CFAP299: variants seen among roughly 807,000 people sequenced by gnomAD.
CFAP299 encodes the protein cilia and flagella associated protein 299.
In CFAP299, 21 loss-of-function variants were observed where a neutral mutation model predicts 27.0. That is an observed-to-expected ratio of 0.78 (90% CI 0.55 to 1.12). CFAP299 has a LOEUF of 1.12. Ranked by LOEUF, CFAP299 falls within the 50% of genes most tolerant of loss-of-function variation. The pLI is 0.00. For synonymous variants in CFAP299, 104 were observed against 98.1 expected, an observed-to-expected ratio of 1.06 and a Z score of -0.36; for missense variants, 310 against 276.6, an observed-to-expected ratio of 1.12 and a Z score of -0.86.
intron 3 of CFAP299, among the ~76,000 whole-genome samples, chr4:80,741,470 C>T (rs1724268236): frequency 1.3e-5 from 2 of 152,206 alleles, no homozygotes; most frequent in South Asian, 2.1e-4. Flanking sequence ...AGTGTGTCTT[C>T]GAATGCCATC....
chr4:80,695,660 T>C (rs1320586271), intron 3 of CFAP299, among the ~76,000 whole-genome samples: 4 of 148,134 alleles, frequency 2.7e-5, no homozygotes, highest in Non-Finnish European at 4.4e-5. Flanking sequence ...TCTTATGATC[T>C]TATCCTTATC....
In CFAP299 at chr4:80,362,930, C is replaced by A. The variant is rs1329738244; in HGVS notation, c.242+46C>A. 1.9e-6 allele frequency: 3 copies of A among 1,544,942 alleles called. No individual in the cohort carries two copies. In the South Asian group the frequency reaches 3.8e-5, roughly 20 times the overall value. ...TCCAGATTTTATGTTATATTCTAGACCTCTGGAGTAATTCAATTTCGTTTG... is the reference window on the plus strand; with the variant it reads ...TCCAGATTTTATGTTATATTCTAGAACTCTGGAGTAATTCAATTTCGTTTG... On this transcript the variant is annotated intron_variant, in intron 2 of 5. Coordinates refer to ENST00000358105, the MANE Select transcript of CFAP299 (RefSeq NM_152770.3).
intron 3 of CFAP299, among the ~76,000 whole-genome samples, chr4:80,629,825 A>G (rs2109944286): frequency 6.6e-6 from 1 of 150,992 alleles, no homozygotes; most frequent in African/African-American, 2.4e-5. Context: ...GGTTGCAGTG[A>G]GTCATGATTA....
chr4:80,343,176 C>A (rs1212728511), intron 1 of CFAP299, among the ~76,000 whole-genome samples: 1 of 152,156 alleles, frequency 6.6e-6, no homozygotes, highest in Non-Finnish European at 1.5e-5. Context: ...ATTCATAAAG[C>A]AAGTTCTTAG....
At chr4:80,364,066 A>C (rs887303050) in intron 2 of CFAP299, among the ~76,000 whole-genome samples, 1 of 131,228 alleles carries the variant, frequency 7.6e-6, no homozygotes, top group African/African-American at 2.8e-5. Context: ...CAGCCTGGGC[A>C]ACAGAGCGAG....
chr4:80,944,087 T>C (rs2110230356), intron 4 of CFAP299, among the ~76,000 whole-genome samples: 1 of 150,772 alleles, frequency 6.6e-6, no homozygotes, highest in East Asian at 2.0e-4. Context: ...AATAAATAAA[T>C]AAATAAATAA....
intron 2 of CFAP299, among the ~76,000 whole-genome samples, chr4:80,467,645 ATAAAT>A (rs1295118628): frequency 1.3e-5 from 2 of 152,236 alleles, no homozygotes; most frequent in African/African-American, 4.8e-5. Context: ...AATATGTAAT[ATAAAT>A]TAAATAATGT....
intron 2 of CFAP299, among the ~76,000 whole-genome samples, chr4:80,536,110 A>T (rs990485943): frequency 2.6e-5 from 4 of 152,198 alleles, no homozygotes; most frequent in African/African-American, 9.7e-5. Context: ...AGGCTTAAGA[A>T]AATAGGAGAA....
At chr4:80,478,766 T>C (rs1730409122) in intron 2 of CFAP299, among the ~76,000 whole-genome samples, 1 of 151,860 alleles carries the variant, frequency 6.6e-6, no homozygotes, top group African/African-American at 2.4e-5. Context: ...GTGAAAGACA[T>C]TGTTATAGTG....
Position 80,670,037 on chromosome 4 carries a change from G to A in CFAP299, c.333+86854G>A, listed in dbSNP as rs558670654. Among the ~76,000 whole-genome samples the A allele has an allele frequency of 4.0e-5, 6 of 151,614 alleles. No individual in the cohort carries two copies. In the South Asian group the frequency reaches 1.2e-3, roughly 31 times the overall value. ...AAGTTCTAGGGTACTTGTGCACAAC[G>A]TGCAGGCTTGTTACATAGGTATACA... On this transcript the variant is annotated intron_variant, in intron 3 of 5. Transcript: ENST00000358105.
chr4:80,381,366 C>A, intron 2 of CFAP299, among the ~76,000 whole-genome samples: 1 of 147,886 alleles, frequency 6.8e-6, no homozygotes, highest in Non-Finnish European at 1.5e-5. Flanking sequence ...TTTATAATTA[C>A]TCTTAACATA....
chr4:80,343,036 A>C (rs948895151), intron 1 of CFAP299, among the ~76,000 whole-genome samples: 2 of 152,224 alleles, frequency 1.3e-5, no homozygotes, highest in Non-Finnish European at 2.9e-5. Context: ...CTAGTTTCTG[A>C]CAAAGCAGAC....
intron 2 of CFAP299, among the ~76,000 whole-genome samples, chr4:80,508,257 G>C (rs1732127924): frequency 6.6e-6 from 1 of 152,066 alleles, no homozygotes; most frequent in Non-Finnish European, 1.5e-5. Flanking sequence ...CATGGAGAGG[G>C]GTTGTGAAAT....
chr4:80,714,164 G>T (rs1437211986), intron 3 of CFAP299, among the ~76,000 whole-genome samples: 12 of 152,208 alleles, frequency 7.9e-5, no homozygotes, highest in African/African-American at 7.2e-5. Flanking sequence ...AGCAATGTTT[G>T]CTAGTGACTT....
At chr4:80,486,790 C>T (rs190739154) in intron 2 of CFAP299, among the ~76,000 whole-genome samples, 94 of 152,326 alleles carry the variant, frequency 6.2e-4, no homozygotes, top group Non-Finnish European at 9.8e-4. Context: ...TTTCTATAGC[C>T]TCTGTAGGGG....
At chr4:80,796,713 G>A (rs971992234) in intron 3 of CFAP299, among the ~76,000 whole-genome samples, 1 of 152,172 alleles carries the variant, frequency 6.6e-6, no homozygotes, top group African/African-American at 2.4e-5. Flanking sequence ...GAATGGGGAT[G>A]TGGTGGGAGT....
chr4:80,390,213 A>G (rs1404051750), intron 2 of CFAP299, among the ~76,000 whole-genome samples: 2 of 151,944 alleles, frequency 1.3e-5, no homozygotes, highest in East Asian at 1.9e-4. Context: ...CGTACATTGT[A>G]TCTCCAGAGC....
chr4:80,676,203 A>G lies in CFAP299; in HGVS notation c.333+93020A>G, dbSNP rs951267966. 2.0e-5 allele frequency among the ~76,000 whole-genome samples: 3 copies of G among 152,176 alleles called. No individual in the cohort carries two copies. The South Asian group carries it at 6.2e-4, about 31-fold the overall frequency. ...CTTTTATGGGATTTTTATAGCATCT[A>G]ATGAAATTATCATATTGTTTTTGTC... On this transcript the variant is annotated intron_variant, in intron 3 of 5. Coordinates refer to ENST00000358105, the MANE Select transcript of CFAP299 (RefSeq NM_152770.3).
intron 1 of CFAP299, 40 bp from the exon 2 acceptor site, chr4:80,362,714 C>T (rs751899550): frequency 6.4e-7 from 1 of 1,554,390 alleles, no homozygotes; most frequent in South Asian, 1.3e-5. Flanking sequence ...AATAGTATGT[C>T]TCATTTGCCC....
Sources: allele counts gnomAD v4.1 joint callset (sites outside exome capture counted in the v4.1 genomes callset), GRCh38; gene constraint gnomAD v4.1.1; transcripts MANE v1.5; gene names NCBI Gene and HGNC (gene_info 2026-07-23, HGNC 2026-07-21).